The following CLN8 variants were observed in gnomAD, a reference collection of about 807,000 sequenced individuals.
CLN8 encodes the protein CLN8 transmembrane ER and ERGIC protein.
In CLN8, 14 loss-of-function variants were observed where a neutral mutation model predicts 15.7. The ratio of observed to expected loss-of-function variants is 0.89; its 90% confidence interval spans 0.59 to 1.39. The LOEUF (loss-of-function observed/expected upper bound fraction) is 1.39, where lower values mean the gene tolerates loss of function less well. Among genes scored for constraint, CLN8 ranks in the 40% most tolerant of loss-of-function variants. The pLI is 0.00. For missense variants in CLN8, 415 were observed against 364.0 expected, an observed-to-expected ratio of 1.14 and a Z score of -1.14; for synonymous variants, 188 against 151.0, an observed-to-expected ratio of 1.25 and a Z score of -1.80.
chr8:1,770,462 G>A (rs893563272), intron 1 of CLN8, among the ~76,000 whole-genome samples: 1 of 152,190 alleles, frequency 6.6e-6, no homozygotes, highest in Non-Finnish European at 1.5e-5. Flanking sequence ...GGCATTCCAT[G>A]GCCTTAACCA....
At chr8:1,760,801 G>C (rs1800775301), upstream of CLN8, among the ~76,000 whole-genome samples, 1 of 152,166 alleles carries the variant, frequency 6.6e-6, no homozygotes, top group Non-Finnish European at 1.5e-5. Context: ...GTGAGAGACA[G>C]CTGCTCTGAT....
chr8:1,776,772 A>G (rs891619408), intron 2 of CLN8, among the ~76,000 whole-genome samples: 3 of 152,230 alleles, frequency 2.0e-5, no homozygotes, highest in African/African-American at 7.2e-5. Flanking sequence ...CAGTGCACCC[A>G]CATGTTCACT....
rs756636772 is a variant in CLN8 at position 1,780,262 on chromosome 8, G to A, written c.556G>A (p.Glu186Lys). 55 of 1,614,128 alleles carry A rather than the reference G, an allele frequency of 3.4e-5. No homozygotes were observed. The highest frequency in any genetic ancestry group is 1.3e-4 in the Admixed American group (8 of 60,014). The change falls in exon 3 of 3, where the codon GAG becomes AAG. Residue 186 changes from glutamate (E) to lysine (K), a missense_variant. Physicochemically the swap from Glu to Lys is moderately conservative, Grantham distance 56. Transcript: ENST00000331222. ...SWMLLKAGWS[E>K]SLFWKLNQWL... Reference sequence around the variant, plus strand: ...TCTCTCCATGCAGGCGGGCTGGTCCGAGTCTCTGTTTTGGAAGCTCAACCA... The same window carrying A: ...TCTCTCCATGCAGGCGGGCTGGTCCAAGTCTCTGTTTTGGAAGCTCAACCA...
upstream of CLN8, among the ~76,000 whole-genome samples, chr8:1,761,277 A>G (rs1800790117): frequency 6.6e-6 from 1 of 151,372 alleles, no homozygotes; most frequent in Non-Finnish European, 1.5e-5. Flanking sequence ...GGGAGACCAG[A>G]GTTTTATTAT....
rs145860556 is a variant in CLN8 at position 1,768,708 on chromosome 8, G to T, written c.-123-2224G>T. Among the ~76,000 whole-genome samples, 55 of 152,252 alleles carry T rather than the reference G, an allele frequency of 3.6e-4. No homozygotes were observed. The East Asian group carries it at 9.5e-3, about 26-fold the overall frequency. ...TGCTTTTCTTTAATGCTGGTAAGCG[G>T]TCTCCCCTCCAGGCATTAGGCTGCA... On this transcript the variant is annotated intron_variant, in intron 1 of 2. Coordinates refer to ENST00000331222, the MANE Select transcript of CLN8 (RefSeq NM_018941.4).
chr8:1,773,203 T>C (rs1269500720), intron 2 of CLN8, among the ~76,000 whole-genome samples: 1 of 152,110 alleles, frequency 6.6e-6, no homozygotes, highest in South Asian at 2.1e-4. Flanking sequence ...AGAGAAACCA[T>C]GGCCCCAGAT....
intron 1 of CLN8, among the ~76,000 whole-genome samples, chr8:1,766,026 G>A (rs1020447066): frequency 3.9e-5 from 6 of 152,250 alleles, no homozygotes; most frequent in Middle Eastern, 3.4e-3. Context: ...CCGGAGGAGC[G>A]CATAGATGCA....
chr8:1,754,533 T>C (rs1386080835), upstream of CLN8, among the ~76,000 whole-genome samples: 1 of 152,248 alleles, frequency 6.6e-6, no homozygotes, highest in Non-Finnish European at 1.5e-5. Context: ...CTTATAAGCA[T>C]TCCCAGGAAA....
chr8:1,762,371 G>A (rs1320176293), upstream of CLN8: 1 of 151,970 alleles, frequency 6.6e-6, no homozygotes, highest in Non-Finnish European at 1.5e-5. Context: ...CCAAACTGCT[G>A]GGATTACAGG....
At chr8:1,766,534 C>T (rs552812259) in intron 1 of CLN8, among the ~76,000 whole-genome samples, 31 of 151,932 alleles carry the variant, frequency 2.0e-4, no homozygotes, top group Non-Finnish European at 4.0e-4. Flanking sequence ...GGACTACAGG[C>T]GCTCGCCATC....
rs997634758 is a variant in CLN8 at position 1,781,264 on chromosome 8, A to G, written c.*697A>G. 3.3e-5 allele frequency: 5 copies of G among 152,184 alleles called. No individual in the cohort carries two copies. Among genetic ancestry groups the G allele is most frequent in the African/African-American group, 1.2e-4 (5 of 41,286 alleles). The allele number at this position is 152,184 out of a possible 1,614,324, so 9.4% of individuals were successfully genotyped here. ...TCCCAGCTATTTGGGAGGCCAAGGCAGGAGAATTGCCTGAACCCGGGAGGC... is the reference window on the plus strand; with the variant it reads ...TCCCAGCTATTTGGGAGGCCAAGGCGGGAGAATTGCCTGAACCCGGGAGGC... On this transcript the variant is annotated 3_prime_UTR_variant, in exon 3 of 3. Transcript: ENST00000331222.
At chr8:1,763,752 G>C (rs71499040), upstream of CLN8, 95,089 of 141,112 alleles carry the variant, frequency 0.67, 32,602 homozygotes, top group South Asian at 0.77. Context: ...GCACGCGCGT[G>C]CGAACGCGCG....
At chr8:1,760,863 T>G (rs1485087749), upstream of CLN8, among the ~76,000 whole-genome samples, 1 of 152,138 alleles carries the variant, frequency 6.6e-6, no homozygotes, top group African/African-American at 2.4e-5. Context: ...CATCTTTGTT[T>G]CAAAGGCATC....
At chr8:1,775,042 A>G (rs1380185667) in intron 2 of CLN8, among the ~76,000 whole-genome samples, 2 of 152,214 alleles carry the variant, frequency 1.3e-5, no homozygotes, top group East Asian at 1.9e-4. Context: ...GTGTGTATAT[A>G]TATGTATGTA....
At chr8:1,762,161 T>A (rs1338299430), upstream of CLN8, 1 of 152,224 alleles carries the variant, frequency 6.6e-6, no homozygotes, top group Admixed American at 6.5e-5. Context: ...GTGGTTTCAC[T>A]GGTTTTAAGA....
chr8:1,782,184 T>C lies in CLN8; in HGVS notation c.*1617T>C, dbSNP rs536360279. 6.6e-6 allele frequency: 1 copy of C among 152,278 alleles called. No homozygotes were observed. The highest frequency in any genetic ancestry group is 6.5e-5 in the Admixed American group (1 of 15,290). 9.4% of individuals were successfully genotyped at this position (152,278 alleles called of 1,614,324 possible). The stretch of plus-strand genomic sequence containing the variant: ...TTTTGAGACGGAGCCTGGCTTTGGC[T>C]CCCAGGCTGGAGTCCAGTGGTGTGA... On this transcript the variant is annotated 3_prime_UTR_variant, in exon 3 of 3. Transcript: ENST00000331222.
At chr8:1,778,623 G>C (rs1372778484) in intron 2 of CLN8, among the ~76,000 whole-genome samples, 3 of 152,192 alleles carry the variant, frequency 2.0e-5, no homozygotes, top group Non-Finnish European at 4.4e-5. Flanking sequence ...CTAAGTGCTT[G>C]GTATGTTTGT....
Position 1,771,143 on chromosome 8 carries a change from C to T in CLN8, c.89C>T (p.Ala30Val). Reference sequence around the variant, plus strand: ...GGGATCCGCTCCACGCTGATGGTCGCTGGCTTTGTCTTCTACTTGGGCGTC... The same window carrying T: ...GGGATCCGCTCCACGCTGATGGTCGTTGGCTTTGTCTTCTACTTGGGCGTC... ...SWGIRSTLMV[A>V]GFVFYLGVFV... is the part of the protein sequence containing the mutation. Residue 30 changes from alanine to valine, a missense_variant, in exon 2 of 3, where the codon GCT becomes GTT. Coordinates refer to ENST00000331222, the MANE Select transcript of CLN8 (RefSeq NM_018941.4). 1.2e-6 allele frequency: 2 copies of T among 1,614,088 alleles called. No homozygotes were observed. The highest frequency in any genetic ancestry group is 1.7e-5 in the Admixed American group (1 of 60,004).
rs1801772004 is a variant in CLN8 at position 1,784,056 on chromosome 8, CGG to C, written c.*3491_*3492del. 6.6e-6 allele frequency: 1 copy of C among 152,276 alleles called. No homozygotes were observed. Among genetic ancestry groups the C allele is most frequent in the Non-Finnish European group, 1.5e-5 (1 of 68,198 alleles). The allele number at this position is 152,276 out of a possible 1,614,324, so 9.4% of individuals were successfully genotyped here. ...ATCCCAGCACTTTGGGAGGCCGAGG[CGG>C]GTGGATCATTTGAGGTCAGGAGTTT... On this transcript the variant is annotated 3_prime_UTR_variant, in exon 3 of 3. Transcript: ENST00000331222.
Sources: allele counts gnomAD v4.1 joint callset (sites outside exome capture counted in the v4.1 genomes callset), GRCh38; gene constraint gnomAD v4.1.1; transcripts MANE v1.5; gene names NCBI Gene and HGNC (gene_info 2026-07-23, HGNC 2026-07-21).